PDXDC1: variants seen among roughly 807,000 people sequenced by gnomAD.
PDXDC1 encodes the protein pyridoxal-dependent decarboxylase domain-containing protein 1.
In PDXDC1, 42 loss-of-function variants were observed where a neutral mutation model predicts 100.1. The observed-to-expected ratio is 0.42, with a 90% confidence interval of 0.33 to 0.54. The LOEUF (loss-of-function observed/expected upper bound fraction) is 0.54, where lower values mean the gene tolerates loss of function less well. PDXDC1 is among the 20% of genes least tolerant of loss of function. PDXDC1 has a pLI of 0.10. For missense variants in PDXDC1, 636 were observed against 979.2 expected (o/e 0.65, Z 4.68); for synonymous variants, 260 against 371.7 (o/e 0.70, Z 3.46).
chr16:15,086,731 C>G (rs1252000043), intron 16 of PDXDC1, among the ~76,000 whole-genome samples: 2 of 152,186 alleles, frequency 1.3e-5, no homozygotes, highest in Non-Finnish European at 2.9e-5. Context: ...AAAGCGAAAT[C>G]ACCTCAAATG....
intron 12 of PDXDC1, among the ~76,000 whole-genome samples, chr16:15,022,464 A>G (rs936769320): frequency 3.3e-5 from 5 of 152,304 alleles, no homozygotes; most frequent in Admixed American, 1.3e-4. Context: ...TTGCAAATAC[A>G]ACAGATTTCC....
At chr16:15,080,213 G>C (rs1276901589) in intron 16 of PDXDC1, 30 of 1,292,676 alleles carry the variant, frequency 2.3e-5, no homozygotes. Context: ...GAAAAAAACA[G>C]ACTATCCAGC....
At chr16:15,102,804 G>A (rs551626176) in intron 16 of PDXDC1, among the ~76,000 whole-genome samples, 10 of 149,504 alleles carry the variant, frequency 6.7e-5, no homozygotes, top group Admixed American at 2.0e-4. Context: ...TTTAAAAAAG[G>A]AGTTTGTGTT....
At chr16:15,021,318 C>T (rs1250932022) in intron 12 of PDXDC1, among the ~76,000 whole-genome samples, 2 of 152,148 alleles carry the variant, frequency 1.3e-5, no homozygotes, top group East Asian at 1.9e-4. Flanking sequence ...TCAAGGTTGC[C>T]GTGAGCCCAA....
At chr16:15,020,762 T>G (rs559786120) in intron 12 of PDXDC1, among the ~76,000 whole-genome samples, 2 of 152,120 alleles carry the variant, frequency 1.3e-5, no homozygotes, top group South Asian at 4.2e-4. Flanking sequence ...GGCGGGTGGA[T>G]CACCTGAGGT....
At position 15,021,105 on chromosome 16, in the gene PDXDC1, A is replaced by C. The variant is rs546028906; in HGVS notation, c.1090-1599A>C. ...TTTAAGTATGCTCTGGGCTGGGTGC[A>C]GTGGCTCATGCCTATAATCCCAGCA... is the stretch of plus-strand genomic sequence containing the variant. On this transcript the variant is annotated intron_variant, in intron 12 of 22. Coordinates refer to ENST00000396410, the MANE Select transcript of PDXDC1 (RefSeq NM_015027.4). Among the ~76,000 whole-genome samples the C allele has an allele frequency of 2.0e-5, 3 of 148,924 alleles. No individual in the cohort carries two copies. In the East Asian group the frequency reaches 6.5e-4, roughly 32 times the overall value.
chr16:15,051,911 T>A (rs2044308083), intron 16 of PDXDC1, among the ~76,000 whole-genome samples: 1 of 152,004 alleles, frequency 6.6e-6, no homozygotes, highest in African/African-American at 2.4e-5. Context: ...TAGCCAAACT[T>A]CCCTTCTTTG....
intron 8 of PDXDC1, among the ~76,000 whole-genome samples, chr16:15,015,649 T>G (rs934903483): frequency 4.6e-5 from 7 of 151,584 alleles, no homozygotes; most frequent in African/African-American, 1.7e-4. Flanking sequence ...ACCTGGGAGG[T>G]GGAGGTTGCA....
chr16:15,018,257 G>T (rs373284564), intron 11 of PDXDC1, among the ~76,000 whole-genome samples: 21 of 152,324 alleles, frequency 1.4e-4, no homozygotes, highest in African/African-American at 4.8e-4. Context: ...CAACAACAAA[G>T]AATTAGCTGG....
chr16:15,055,208 C>T (rs1234796616), intron 16 of PDXDC1, among the ~76,000 whole-genome samples: 2 of 152,146 alleles, frequency 1.3e-5, no homozygotes, highest in African/African-American at 2.4e-5. Context: ...CCTGAGAACC[C>T]CCTTGCCAAC....
Position 15,090,718 on chromosome 16 carries a change from G to C in PDXDC1, c.1400-48161G>C, listed in dbSNP as rs1036934503. Among the ~76,000 whole-genome samples, 78 of 152,150 alleles carry C rather than the reference G, an allele frequency of 5.1e-4. 5 individuals carry two copies. On this transcript the variant is annotated intron_variant, in intron 16 of 16. Coordinates refer to the PDXDC1 transcript ENST00000535621. ...GATCACACACTGGATAATAAAATTGGAATTTCATTCCAGGCAATCTAACTA... is the reference window on the plus strand; with the variant it reads ...GATCACACACTGGATAATAAAATTGCAATTTCATTCCAGGCAATCTAACTA...
At chr16:15,084,497 G>C (rs1468664000) in intron 16 of PDXDC1, 11 of 584,772 alleles carry the variant, frequency 1.9e-5, no homozygotes, top group African/African-American at 7.8e-5. Context: ...ACTTTTTGTA[G>C]AATGTAATGT....
At chr16:15,005,312 A>AG (rs1373770321) in intron 5 of PDXDC1, among the ~76,000 whole-genome samples, 3 of 149,462 alleles carry the variant, frequency 2.0e-5, no homozygotes, top group Non-Finnish European at 4.4e-5. Context: ...CTCAAAAAAA[A>AG]AAAAAAAAGA....
chr16:15,087,512 C>G (rs1000652440), intron 16 of PDXDC1, among the ~76,000 whole-genome samples: 2 of 152,164 alleles, frequency 1.3e-5, no homozygotes, highest in African/African-American at 2.4e-5. Flanking sequence ...CCCTTTTCCC[C>G]ACCTTAATTC....
intron 16 of PDXDC1, among the ~76,000 whole-genome samples, chr16:15,053,803 T>A (rs1188826789): frequency 6.6e-6 from 1 of 152,066 alleles, no homozygotes; most frequent in African/African-American, 2.4e-5. Context: ...CCCAGCTACT[T>A]GGGAGGCTGA....
chr16:15,067,315 T>G (rs1024683150), intron 16 of PDXDC1, among the ~76,000 whole-genome samples: 2 of 146,410 alleles, frequency 1.4e-5, no homozygotes, highest in African/African-American at 5.0e-5. Flanking sequence ...AGTGAAAGCT[T>G]ACAAAGGAGC....
chr16:15,125,830 A>G (rs2047684409), intron 16 of PDXDC1: 1 of 925,728 alleles, frequency 1.1e-6, no homozygotes, highest in South Asian at 1.3e-5. Context: ...AGCAGTGGTC[A>G]GCGGGCGGCA....
chr16:15,059,906 T>A (rs1050320664), intron 16 of PDXDC1: 2 of 170,312 alleles, frequency 1.2e-5, no homozygotes, highest in African/African-American at 2.4e-5. Flanking sequence ...ATGAATTCCA[T>A]CAAGCTCCCC....
chr16:15,005,409 C>T (rs1229088423), intron 5 of PDXDC1, among the ~76,000 whole-genome samples: 1 of 152,210 alleles, frequency 6.6e-6, no homozygotes, highest in Non-Finnish European at 1.5e-5. Context: ...TAAGGAATTA[C>T]AACAGGTGAA....
Sources: allele counts gnomAD v4.1 joint callset (sites outside exome capture counted in the v4.1 genomes callset), GRCh38; gene constraint gnomAD v4.1.1; transcripts MANE v1.5; gene names NCBI Gene and HGNC (gene_info 2026-07-23, HGNC 2026-07-21).